The following SLK variants were observed in gnomAD, a reference collection of about 807,000 sequenced individuals.
SLK encodes STE20-like serine/threonine-protein kinase.
In SLK, 67 loss-of-function variants were observed where a neutral mutation model predicts 147.7. That is an observed-to-expected ratio of 0.45 (90% CI 0.37 to 0.56). The LOEUF is 0.56. SLK is among the 20% of genes least tolerant of loss of function. SLK has a pLI of 0.00. For synonymous variants in SLK, 441 were observed against 475.0 expected (o/e 0.93, Z 0.93); for missense variants, 1,136 against 1,438.8 (o/e 0.79, Z 3.41).
At chr10:103,993,258 G>C in intron 4 of SLK, 125 bp downstream of exon 4, 2 of 580,732 alleles carry the variant, frequency 3.4e-6, no homozygotes, top group Admixed American at 3.9e-5. Context: ...ACTCCATGCT[G>C]GTTTTTAAAA....
Position 104,003,246 on chromosome 10 carries a change from A to G in SLK, c.2068A>G (p.Ile690Val), listed in dbSNP as rs779168889. 1 of 1,612,764 alleles carries G rather than the reference A, an allele frequency of 6.2e-7. No homozygotes were observed. The highest frequency in any genetic ancestry group is 8.5e-7 in the Non-Finnish European group (1 of 1,179,692). ...AGAGAAAAAAGAAATTCCAGTGTCA[A>G]TTAAAAAAGAGCCTGAAGTTACTGT... ...DKEKKEIPVS[I>V]KKEPEVTVVS... Residue 690 changes from isoleucine (I) to valine (V), a missense_variant, in exon 9 of 19, where the codon ATT becomes GTT. This residue lies in a region of SLK where 516 missense variants were observed against 531.3 expected (regional missense o/e 0.97). Transcript: ENST00000369755.
intron 3 of SLK, 70 bp from the exon 4 acceptor site, chr10:103,992,914 A>G: frequency 9.2e-7 from 1 of 1,085,138 alleles, no homozygotes; most frequent in Non-Finnish European, 1.4e-6. Context: ...ATATACAGAA[A>G]GGTATATAGC....
At chr10:103,987,610 T>A (rs1364243083) in intron 1 of SLK, among the ~76,000 whole-genome samples, 2 of 152,194 alleles carry the variant, frequency 1.3e-5, no homozygotes, top group African/African-American at 4.8e-5. Flanking sequence ...TAGTATCTGT[T>A]TTTAATGTAA....
intron 18 of SLK, 83 bp downstream of exon 18, chr10:104,021,816 G>C: frequency 1.4e-6 from 1 of 740,068 alleles, no homozygotes; most frequent in Non-Finnish European, 2.3e-6. Context: ...ACTGTGTCAG[G>C]TACAGTGTCA....
chr10:104,002,189 G>A lies in SLK; in HGVS notation c.1011G>A (p.Lys337=). 6.3e-7 allele frequency: 1 copy of A among 1,584,710 alleles called. No homozygotes were observed. Among genetic ancestry groups the A allele is most frequent in the Non-Finnish European group, 8.6e-7 (1 of 1,165,010 alleles). The part of the protein sequence containing the change: ...TENSLPIPAS[K]RASSDLSIAS... ...TTTTTTAGCCAATACCTGCAAGTAAGCGTGCATCTTCTGACCTTAGTATCG... is the reference window on the plus strand; with the variant it reads ...TTTTTTAGCCAATACCTGCAAGTAAACGTGCATCTTCTGACCTTAGTATCG... Residue 337 remains lysine (K), a synonymous_variant, in exon 9 of 19, where the codon AAG becomes AAA. Coordinates refer to ENST00000369755, the MANE Select transcript of SLK (RefSeq NM_014720.4).
chr10:104,010,768 G>C (rs1238309378), intron 12 of SLK, 48 bp from the exon 13 acceptor site: 1 of 1,216,758 alleles, frequency 8.2e-7, no homozygotes, highest in Middle Eastern at 2.0e-4. Flanking sequence ...AATGCTTGCT[G>C]TGGAGAAAGT....
intron 13 of SLK, among the ~76,000 whole-genome samples, chr10:104,015,684 A>G (rs1366804116): frequency 8.8e-6 from 1 of 113,148 alleles, no homozygotes; most frequent in Non-Finnish European, 2.1e-5. Flanking sequence ...CTTTGAATTG[A>G]ACTCTTACTG....
At chr10:104,001,375 TTG>T in intron 7 of SLK, 67 bp from the exon 8 acceptor site, 2 of 1,240,204 alleles carry the variant, frequency 1.6e-6, no homozygotes, top group Non-Finnish European at 2.4e-6. Context: ...AGAATGTGTG[TTG>T]TGTGTGTTTG....
chr10:104,012,827 T>G (rs1328129890), intron 13 of SLK, among the ~76,000 whole-genome samples: 1 of 152,256 alleles, frequency 6.6e-6, no homozygotes, highest in Non-Finnish European at 1.5e-5. Context: ...TACTTTTGGT[T>G]AATTTGGATT....
Position 103,967,579 on chromosome 10 carries a change from G to C in SLK, c.-167G>C. On this transcript the variant is annotated 5_prime_UTR_variant, in exon 1 of 19. Coordinates refer to ENST00000369755, the MANE Select transcript of SLK (RefSeq NM_014720.4). ...ACCCCCACCGCGGGCCGGAGCCCGG[G>C]TCGCCGCCCCGCCTTCTCCCGGGAC... 4.8e-6 allele frequency: 1 copy of C among 209,534 alleles called. No homozygotes were observed. The highest frequency in any genetic ancestry group is 8.3e-6 in the Non-Finnish European group (1 of 120,496). 13.0% of individuals were successfully genotyped at this position (209,534 alleles called of 1,614,324 possible).
At chr10:103,969,127 G>A (rs1171650304) in intron 1 of SLK, among the ~76,000 whole-genome samples, 1 of 152,084 alleles carries the variant, frequency 6.6e-6, no homozygotes, top group East Asian at 1.9e-4. Flanking sequence ...ACGCCACCAT[G>A]CCCGGCTAAT....
Position 104,002,333 on chromosome 10 carries a change from C to T in SLK, c.1155C>T (p.Pro385=). ...ACAGCAAAATTCTTAATGAAAAACCCACCACTGATGAACCTGAAAAGGCTG... is the reference window on the plus strand; with the variant it reads ...ACAGCAAAATTCTTAATGAAAAACCTACCACTGATGAACCTGAAAAGGCTG... The part of the protein sequence containing the change: ...KLNSKILNEK[P]TTDEPEKAVE... The change falls in exon 9 of 19, where the codon CCC becomes CCT. Residue 385 remains proline, a synonymous_variant. Coordinates refer to ENST00000369755, the MANE Select transcript of SLK (RefSeq NM_014720.4). 6.2e-7 allele frequency: 1 copy of T among 1,613,488 alleles called. No homozygotes were observed. The highest frequency in any genetic ancestry group is 8.5e-7 in the Non-Finnish European group (1 of 1,179,642).
intron 1 of SLK, among the ~76,000 whole-genome samples, chr10:103,983,017 T>C (rs958075675): frequency 2.0e-5 from 3 of 151,636 alleles, no homozygotes; most frequent in African/African-American, 4.9e-5. Flanking sequence ...TGAATTGTTT[T>C]CAGGATTTAA....
At position 104,001,568 on chromosome 10, in the gene SLK, C is replaced by A. The variant is rs1205019165; in HGVS notation, c.989C>A (p.Ser330Tyr). ...EEDEEEETEN[S>Y]LPIPASKRAS... is the part of the protein sequence containing the mutation. ...GATGAAGAGGAGGAAACAGAAAATT[C>A]TCTGGTCAGTATTTAGGAAAGAAAT... The change falls in exon 8 of 19, where the codon TCT (serine) becomes TAT (tyrosine). Residue 330 changes from serine (S) to tyrosine (Y), a missense_variant. Physicochemically the swap from Ser to Tyr is moderately radical, Grantham distance 144. Transcript: ENST00000369755. 1.9e-6 allele frequency: 3 copies of A among 1,613,542 alleles called. No individual in the cohort carries two copies. The East Asian group carries it at 6.7e-5, about 36-fold the overall frequency.
chr10:103,995,402 CTTTTTTCTTTTCTTTCTTTTCTTT>C (rs1844154409), intron 4 of SLK, among the ~76,000 whole-genome samples: 1 of 126,066 alleles, frequency 7.9e-6, no homozygotes, highest in Non-Finnish European at 1.7e-5. Flanking sequence ...TTAACCATTT[CTTTTTTCTTTTCTTTCTTTTCTTT>C]TTTTTTTTTT....
At chr10:104,001,132 T>A (rs1401956938) in intron 7 of SLK, among the ~76,000 whole-genome samples, 1 of 148,318 alleles carries the variant, frequency 6.7e-6, no homozygotes. Flanking sequence ...TCAATTAAAA[T>A]TTTTTATTAC....
chr10:104,026,182 T>G lies in SLK; in HGVS notation c.*462T>G, dbSNP rs2134545317. On this transcript the variant is annotated 3_prime_UTR_variant, in exon 19 of 19. Coordinates refer to ENST00000369755, the MANE Select transcript of SLK (RefSeq NM_014720.4). ...ATCAGCTCTCATAAAAAAGCTATGA[T>G]TTGCTCAAATATGCTGTTGACTCAG... The G allele has an allele frequency of 6.5e-6, 1 of 153,060 alleles. No homozygotes were observed. The highest frequency in any genetic ancestry group is 3.4e-3 in the Middle Eastern group (1 of 296). 9.5% of individuals were successfully genotyped at this position (153,060 alleles called of 1,614,324 possible).
intron 1 of SLK, among the ~76,000 whole-genome samples, chr10:103,990,380 C>T (rs911545066): frequency 6.6e-6 from 1 of 152,202 alleles, no homozygotes; most frequent in Non-Finnish European, 1.5e-5. Flanking sequence ...AGATGTATCA[C>T]TCTGGTGTGC....
rs147685845 is a variant in SLK, at chr10:104,002,177, A to G, written c.999A>G (p.Ile333Met). ...ATACATTAAATCTTTTTTAGCCAAT[A>G]CCTGCAAGTAAGCGTGCATCTTCTG... ...EEEETENSLP[I>M]PASKRASSDL... The change falls in exon 9 of 19, where the codon ATA becomes ATG. Residue 333 changes from isoleucine (I) to methionine (M), a missense_variant. Physicochemically the swap from Ile to Met is conservative, Grantham distance 10. Transcript: ENST00000369755. 7 of 1,569,436 alleles carry G rather than the reference A, an allele frequency of 4.5e-6. No individual in the cohort carries two copies. The African/African-American group carries it at 5.5e-5, about 12-fold the overall frequency.
Sources: gnomAD v4.1 joint callset for allele counts (sites outside exome capture counted in the v4.1 genomes callset) on GRCh38, gnomAD v4.1.1 for gene constraint, gnomAD v4.1.1 regional missense constraint, MANE v1.5 for transcripts, NCBI Gene and HGNC (gene_info 2026-07-23, HGNC 2026-07-21) for gene names.